Variants in CTNND2 observed in about 807,000 individuals in gnomAD.
CTNND2 encodes catenin delta 2, also known as catenin delta-2.
In CTNND2, 22 loss-of-function variants were observed where a neutral mutation model predicts 144.4. The observed-to-expected ratio is 0.15, with a 90% CI of 0.11 to 0.22. The LOEUF (loss-of-function observed/expected upper bound fraction) is 0.22, where lower values mean the gene tolerates loss of function less well. Among genes scored for constraint, CTNND2 ranks in the 10% least tolerant of loss-of-function variants. CTNND2 has a pLI of 1.00. For missense variants in CTNND2, 1,353 were observed against 1,618.8 expected (o/e 0.84, Z 2.82); for synonymous variants, 751 against 695.6 (o/e 1.08, Z -1.25).
chr5:11,774,201 T>G (rs892972326), intron 1 of CTNND2, among the ~76,000 whole-genome samples: 2 of 152,220 alleles, frequency 1.3e-5, no homozygotes, highest in South Asian at 2.1e-4. Context: ...GCCTATTTTT[T>G]GACAGAGAAT....
At chr5:11,865,905 A>AAAAAAAAAAAC in intron 1 of CTNND2, among the ~76,000 whole-genome samples, 1 of 149,158 alleles carries the variant, frequency 6.7e-6, no homozygotes. Context: ...GAAGAGACAA[A>AAAAAAAAAAAC]AAAAAAAAAA....
chr5:11,289,273 G>T (rs1748065598), intron 9 of CTNND2, among the ~76,000 whole-genome samples: 1 of 152,200 alleles, frequency 6.6e-6, no homozygotes, highest in South Asian at 2.1e-4. Flanking sequence ...AAATAATTCT[G>T]TCTTGCAAAC....
chr5:11,574,755 GA>G (rs1175785789), intron 2 of CTNND2, among the ~76,000 whole-genome samples: 3 of 152,130 alleles, frequency 2.0e-5, no homozygotes, highest in African/African-American at 7.2e-5. Flanking sequence ...TGAAGACAGA[GA>G]GGGGGTGTAC....
At chr5:10,999,408 T>C (rs1739689301) in intron 18 of CTNND2, among the ~76,000 whole-genome samples, 1 of 152,216 alleles carries the variant, frequency 6.6e-6, no homozygotes, top group South Asian at 2.1e-4. Context: ...TTCTGTTATA[T>C]TGGGCATTTT....
At chr5:11,705,318 C>A (rs1785643415) in intron 2 of CTNND2, among the ~76,000 whole-genome samples, 1 of 152,148 alleles carries the variant, frequency 6.6e-6, no homozygotes, top group Non-Finnish European at 1.5e-5. Context: ...CACCCAACTC[C>A]ATTCCTGAGC....
intron 2 of CTNND2, among the ~76,000 whole-genome samples, chr5:11,605,722 G>A (rs1443963022): frequency 6.6e-6 from 1 of 152,152 alleles, no homozygotes; most frequent in Non-Finnish European, 1.5e-5. Flanking sequence ...TTGTAACTAT[G>A]CAGGAACGGT....
At chr5:11,191,242 G>A (rs1736210653) in intron 11 of CTNND2, among the ~76,000 whole-genome samples, 1 of 152,118 alleles carries the variant, frequency 6.6e-6, no homozygotes. Flanking sequence ...ATCTTCGTAG[G>A]GATAGGGGAG....
chr5:11,530,593 A>T lies in CTNND2; in HGVS notation c.287+34351T>A, dbSNP rs549100541. ...TCCTTTGGAATTGGGGTGTTGTGGCATCCACAGGGCTTCAGACCTCCAGGC... is the reference window on the plus strand; with the variant it reads ...TCCTTTGGAATTGGGGTGTTGTGGCTTCCACAGGGCTTCAGACCTCCAGGC... On this transcript the variant is annotated intron_variant, in intron 3 of 21. Transcript: ENST00000304623. Among the ~76,000 whole-genome samples the T allele has an allele frequency of 5.9e-5, 9 of 152,302 alleles. No individual in the cohort carries two copies. The South Asian group carries it at 8.3e-4, about 14-fold the overall frequency.
rs372124459 is a variant in CTNND2 at position 11,236,793 on chromosome 5, C to T, written c.1659G>A (p.Pro553=). The change falls in exon 10 of 22, where the codon CCG becomes CCA. Residue 553 remains proline (P), a synonymous_variant. Transcript: ENST00000304623. ...REFGWRDPEL[P]EVIQMLQHQF... ...GGTGCTGCAACATCTGAATCACTTC[C>T]GGCAGTTCCGGGTCTCTCCATCCAA... 37 of 1,613,970 alleles carry T rather than the reference C, an allele frequency of 2.3e-5. No homozygotes were observed. Among genetic ancestry groups the T allele is most frequent in the Non-Finnish European group, 2.6e-5 (31 of 1,180,016 alleles).
intron 1 of CTNND2, among the ~76,000 whole-genome samples, chr5:11,738,995 T>C (rs184145456): frequency 1.3e-5 from 2 of 152,294 alleles, no homozygotes; most frequent in East Asian, 3.9e-4. Context: ...ATTTCATTAG[T>C]TAGACTTGCA....
Position 11,654,473 on chromosome 5 carries a change from A to AT in CTNND2, c.174+77662dup, listed in dbSNP as rs376561110. On this transcript the variant is annotated intron_variant, in intron 2 of 21. Coordinates refer to ENST00000304623, the MANE Select transcript of CTNND2 (RefSeq NM_001332.4). ...TTTAAATTTATTCATAAGCATTTTT[A>AT]TTTTTTTTGATGTTATTGTAAATGA... Among the ~76,000 whole-genome samples, 903 of 151,622 alleles carry AT rather than the reference A, an allele frequency of 6.0e-3. 7 individuals are homozygous for AT. The highest frequency in any genetic ancestry group is 0.021 in the African/African-American group (856 of 41,366).
At position 11,022,969 on chromosome 5, in the gene CTNND2, G is replaced by A; in HGVS notation, c.2799C>T (p.Ala933=). The A allele has an allele frequency of 6.2e-7, 1 of 1,614,126 alleles. No homozygotes were observed. Reference sequence around the variant, plus strand: ...GAAGCCTGTGGACTAGGTCTCGCATGGCGTATTTGCCTGGAAAAGAAAATA... The same window carrying A: ...GAAGCCTGTGGACTAGGTCTCGCATAGCGTATTTGCCTGGAAAAGAAAATA... ...VRNKELIGKY[A]MRDLVHRLPG... Residue 933 remains alanine, a synonymous_variant, in exon 17 of 22, where the codon GCC becomes GCT. Coordinates refer to ENST00000304623, the MANE Select transcript of CTNND2 (RefSeq NM_001332.4).
At chr5:11,136,861 A>G (rs377299231) in intron 12 of CTNND2, among the ~76,000 whole-genome samples, 1 of 152,324 alleles carries the variant, frequency 6.6e-6, no homozygotes, top group East Asian at 1.9e-4. Flanking sequence ...CTCCTCTTCT[A>G]ACTCCTACTC....
At chr5:11,261,645 C>A (rs182654600) in intron 9 of CTNND2, among the ~76,000 whole-genome samples, 207 of 152,346 alleles carry the variant, frequency 1.4e-3, no homozygotes, top group Non-Finnish European at 1.7e-3. Context: ...AAAACATCCT[C>A]GTGTCTCACC....
chr5:11,689,230 C>T (rs7727893), intron 2 of CTNND2, among the ~76,000 whole-genome samples: 39,470 of 152,004 alleles, frequency 0.26, 9,176 homozygotes, highest in African/African-American at 0.63. Flanking sequence ...TTTTTGTTTT[C>T]TTACTTCTGG....
At chr5:11,298,498 C>T (rs1282605960) in intron 9 of CTNND2, among the ~76,000 whole-genome samples, 1 of 152,214 alleles carries the variant, frequency 6.6e-6, no homozygotes, top group Admixed American at 6.5e-5. Flanking sequence ...AATGCTAAAG[C>T]TTAGGAGTGA....
chr5:11,091,411 G>C (rs1185995592), intron 15 of CTNND2, among the ~76,000 whole-genome samples: 2 of 152,036 alleles, frequency 1.3e-5, no homozygotes, highest in East Asian at 3.9e-4. Flanking sequence ...TATAATAATT[G>C]CTTATTTGAT....
chr5:11,004,332 C>A (rs1426612837), intron 18 of CTNND2, among the ~76,000 whole-genome samples: 1 of 152,208 alleles, frequency 6.6e-6, no homozygotes, highest in Non-Finnish European at 1.5e-5. Flanking sequence ...TTTAGGAATA[C>A]AAATGTCTAG....
chr5:11,098,886 G>C (rs918896229), intron 14 of CTNND2, 138 bp from the exon 15 acceptor site: 1 of 715,140 alleles, frequency 1.4e-6, no homozygotes, highest in Non-Finnish European at 2.3e-6. Flanking sequence ...GGAGGCTATT[G>C]CATCAGCAGT....
Sources: allele counts gnomAD v4.1 joint callset (sites outside exome capture counted in the v4.1 genomes callset), GRCh38; gene constraint gnomAD v4.1.1; transcripts MANE v1.5; gene names NCBI Gene and HGNC (gene_info 2026-07-23, HGNC 2026-07-21).